CLYBL: variants seen among roughly 807,000 people sequenced by gnomAD.
CLYBL encodes the protein citramalyl-CoA lyase.
In CLYBL, 31 loss-of-function variants were observed where a neutral mutation model predicts 38.9. The observed-to-expected ratio is 0.80, with a 90% confidence interval of 0.60 to 1.08. The LOEUF (loss-of-function observed/expected upper bound fraction) is 1.08, where lower values mean the gene tolerates loss of function less well. Among genes scored for constraint, CLYBL ranks in the 50% least tolerant of loss-of-function variants. CLYBL has a pLI of 0.00. For missense variants in CLYBL, 434 were observed against 411.6 expected, an observed-to-expected ratio of 1.05 and a Z score of -0.47; for synonymous variants, 171 against 158.6, an observed-to-expected ratio of 1.08 and a Z score of -0.59.
At chr13:99,904,654 C>T (rs1445473224) in intron 8 of CLYBL, among the ~76,000 whole-genome samples, 1 of 145,616 alleles carries the variant, frequency 6.9e-6, no homozygotes, top group Non-Finnish European at 1.5e-5. Context: ...CAGCGTCGTG[C>T]TTCAAACTAA....
chr13:99,606,717 A>C lies in CLYBL; in HGVS notation c.22A>C (p.Arg8=). The change falls in exon 1 of 9, where the codon AGG becomes CGG. Residue 8 remains arginine, a synonymous_variant. Coordinates refer to ENST00000339105, the MANE Select transcript of CLYBL (RefSeq NM_206808.5). ...GAAGATGGCGCTACGTCTGCTGCGG[A>C]GGGCGGCGCGCGGAGCTGCGGCGGC... MALRLLR[R]AARGAAAAAL... 1.3e-6 allele frequency: 2 copies of C among 1,492,850 alleles called. No homozygotes were observed. The highest frequency in any genetic ancestry group is 2.9e-5 in the African/African-American group (2 of 68,468). 92.5% of individuals were successfully genotyped at this position (1,492,850 alleles called of 1,614,324 possible). A position where few individuals can be genotyped will look rare whatever the true frequency, so the allele number is the denominator to read the frequency against.
chr13:99,713,030 C>A, intron 1 of CLYBL, among the ~76,000 whole-genome samples: 1 of 152,160 alleles, frequency 6.6e-6, no homozygotes, highest in Non-Finnish European at 1.5e-5. Context: ...CTTCAGACTT[C>A]ATGGAAAACA....
At chr13:99,817,294 G>C (rs1326956153) in intron 2 of CLYBL, among the ~76,000 whole-genome samples, 1 of 152,068 alleles carries the variant, frequency 6.6e-6, no homozygotes, top group Non-Finnish European at 1.5e-5. Flanking sequence ...GGAGACGAGA[G>C]GAGAGGAGAC....
chr13:99,880,117 G>A (rs778830286), intron 7 of CLYBL, among the ~76,000 whole-genome samples: 6 of 138,934 alleles, frequency 4.3e-5, no homozygotes, highest in Non-Finnish European at 7.5e-5. Context: ...GCCCAGGCTC[G>A]AGTACAATGG....
At chr13:99,616,245 G>A (rs889619608) in intron 1 of CLYBL, among the ~76,000 whole-genome samples, 6 of 147,368 alleles carry the variant, frequency 4.1e-5, no homozygotes, top group African/African-American at 1.5e-4. Context: ...CTGCAGCCTT[G>A]ACATCCTGGG....
At chr13:99,741,892 A>G (rs748987661) in intron 1 of CLYBL, among the ~76,000 whole-genome samples, 3 of 152,176 alleles carry the variant, frequency 2.0e-5, no homozygotes, top group African/African-American at 4.8e-5. Flanking sequence ...CAGAAACATT[A>G]TTGTTCCATT....
At chr13:99,875,930 T>C (rs2052027186) in intron 7 of CLYBL, among the ~76,000 whole-genome samples, 1 of 152,194 alleles carries the variant, frequency 6.6e-6, no homozygotes, top group Admixed American at 6.5e-5. Flanking sequence ...TTTTTAAAAG[T>C]CCAGTTCTTA....
intron 2 of CLYBL, among the ~76,000 whole-genome samples, chr13:99,817,758 T>A (rs1377135151): frequency 6.6e-6 from 1 of 151,664 alleles, no homozygotes; most frequent in Admixed American, 6.6e-5. Context: ...ATCCTAGCAC[T>A]TCGGGAGGCC....
rs114725161 is a variant in CLYBL, at chr13:99,884,580, T to C, written c.928-6738T>C. 2.5e-3 allele frequency among the ~76,000 whole-genome samples: 375 copies of C among 152,354 alleles called. 4 individuals carry two copies. Among genetic ancestry groups the C allele is most frequent in the African/African-American group, 8.6e-3 (357 of 41,582 alleles). ...CTAGTTCTTAAGTAATAGTCATTTC[T>C]ATCACTGTCTATTTAATGTCCTTCC... On this transcript the variant is annotated intron_variant, in intron 7 of 8. Coordinates refer to ENST00000339105, the MANE Select transcript of CLYBL (RefSeq NM_206808.5).
chr13:99,759,291 T>TG (rs1191968816), intron 1 of CLYBL, among the ~76,000 whole-genome samples: 2 of 152,126 alleles, frequency 1.3e-5, no homozygotes, highest in African/African-American at 2.4e-5. Context: ...AGAATGTAAA[T>TG]GTGTGATGGA....
chr13:99,768,186 C>CCTTTTCTTTT (rs1566318728), intron 1 of CLYBL, among the ~76,000 whole-genome samples: 1 of 83,950 alleles, frequency 1.2e-5, no homozygotes, highest in African/African-American at 4.5e-5. Flanking sequence ...CAAGTCTTTT[C>CCTTTTCTTTT]TTTTTCTTTT....
At chr13:99,624,798 A>G (rs1002581054) in intron 1 of CLYBL, among the ~76,000 whole-genome samples, 1 of 152,188 alleles carries the variant, frequency 6.6e-6, no homozygotes. Context: ...TTGAACACAC[A>G]GCCCTTCCTC....
In CLYBL at chr13:99,644,174, T is replaced by C. The variant is rs559451966; in HGVS notation, c.62+37417T>C. ...TATGTATGTATATGTGGTGTATGTA[T>C]GTACATGTGTATGTATGTATATGTG... On this transcript the variant is annotated intron_variant, in intron 1 of 8. Transcript: ENST00000339105. 1.6e-3 allele frequency among the ~76,000 whole-genome samples: 232 copies of C among 145,018 alleles called. 2 individuals are homozygous for C. The highest frequency in any genetic ancestry group is 5.7e-3 in the African/African-American group (217 of 37,868).
At chr13:99,874,280 T>C (rs2051981853) in intron 7 of CLYBL, among the ~76,000 whole-genome samples, 2 of 152,236 alleles carry the variant, frequency 1.3e-5, no homozygotes, top group Non-Finnish European at 2.9e-5. Flanking sequence ...CTGACTTTCT[T>C]CCATCCTTCC....
At chr13:99,824,257 G>GCACCCCCCC (rs66867477) in intron 2 of CLYBL, among the ~76,000 whole-genome samples, 1 of 130,414 alleles carries the variant, frequency 7.7e-6, no homozygotes, top group African/African-American at 2.9e-5. Context: ...CTGACTAATA[G>GCACCCCCCC]CCCCCCCCAC....
intron 1 of CLYBL, among the ~76,000 whole-genome samples, chr13:99,654,376 A>G (rs1318725849): frequency 6.6e-6 from 1 of 152,148 alleles, no homozygotes; most frequent in Non-Finnish European, 1.5e-5. Context: ...TGTCCCACAC[A>G]TATGGGGCAA....
rs1416133369 is a variant in CLYBL at position 99,683,794 on chromosome 13, CATAAT to C, written c.62+77042_62+77046del. ...TCTAAAATGAAGATAAAATGTAAAGCATAATATAAAACCAGTAACATTTATTATTA... is the reference window on the plus strand; with the variant it reads ...TCTAAAATGAAGATAAAATGTAAAGCATAAAACCAGTAACATTTATTATTA... On this transcript the variant is annotated intron_variant, in intron 1 of 8. Transcript: ENST00000339105. Among the ~76,000 whole-genome samples, 8 of 109,730 alleles carry C rather than the reference CATAAT, an allele frequency of 7.3e-5. No individual in the cohort carries two copies. In the East Asian group the frequency reaches 2.4e-3, roughly 33 times the overall value. 72.0% of individuals were successfully genotyped at this position (109,730 alleles called of 152,430 possible).
chr13:99,899,940 T>A (rs1034217931), downstream of CLYBL, among the ~76,000 whole-genome samples: 4 of 152,134 alleles, frequency 2.6e-5, no homozygotes, highest in Non-Finnish European at 5.9e-5. Context: ...TTATTTATTT[T>A]TTTTGAGACA....
chr13:99,772,049 C>A (rs949426492), intron 1 of CLYBL, among the ~76,000 whole-genome samples: 1 of 152,106 alleles, frequency 6.6e-6, no homozygotes, highest in African/African-American at 2.4e-5. Flanking sequence ...ATGTGAATCA[C>A]CAATTTTCAC....
Sources: allele counts gnomAD v4.1 joint callset (sites outside exome capture counted in the v4.1 genomes callset), GRCh38; gene constraint gnomAD v4.1.1; transcripts MANE v1.5; gene names NCBI Gene and HGNC (gene_info 2026-07-23, HGNC 2026-07-21).